BRCA2: variants seen among roughly 807,000 people sequenced by gnomAD.
BRCA2 encodes breast cancer type 2 susceptibility protein.
BRCA2 carries 203 observed loss-of-function variants against 276.7 expected under a neutral mutation model. That is an observed-to-expected ratio of 0.73 (90% confidence interval 0.65 to 0.82). BRCA2 has a LOEUF of 0.82. BRCA2 is among the 40% of genes least tolerant of loss of function. The pLI is 0.00. For synonymous variants in BRCA2, 1,289 were observed against 1,338.4 expected (o/e 0.96, Z 0.81); for missense variants, 3,920 against 3,915.0 (o/e 1.00, Z -0.03).
Position 32,337,782 on chromosome 13 carries a change from G to A in BRCA2, c.3427G>A (p.Glu1143Lys), listed in dbSNP as rs1316176181. 1 of 1,613,872 alleles carries A rather than the reference G, an allele frequency of 6.2e-7. No homozygotes were observed. The highest frequency in any genetic ancestry group is 8.5e-7 in the Non-Finnish European group (1 of 1,179,948). The change falls in exon 11 of 27, where the codon GAA becomes AAA. Residue 1143 changes from glutamate to lysine, a missense_variant. Physicochemically the swap from Glu to Lys is moderately conservative, Grantham distance 56. Around this residue, in one of 2 missense-constraint regions of BRCA2, gnomAD observed 3,263 missense variants for 3,156.9 expected, o/e 1.03. Transcript: ENST00000380152. The part of the protein sequence containing the change: ...PSYILQKSTF[E>K]VPENQMTILK... Reference sequence around the variant, plus strand: ...CTACATATTGCAGAAGAGTACATTTGAAGTGCCTGAAAACCAGATGACTAT... The same window carrying A: ...CTACATATTGCAGAAGAGTACATTTAAAGTGCCTGAAAACCAGATGACTAT...
Position 32,363,440 on chromosome 13 carries a change from A to C in BRCA2, c.8238A>C (p.Thr2746=), listed in dbSNP as rs863224313. 2.5e-6 allele frequency: 4 copies of C among 1,614,084 alleles called. No homozygotes were observed. The highest frequency in any genetic ancestry group is 2.5e-6 in the Non-Finnish European group (3 of 1,180,046). ...LLAVLKNGRL[T]VGQKIILHGA... The stretch of plus-strand genomic sequence containing the variant: ...CTGTCTTAAAGAATGGCAGACTGAC[A>C]GTTGGTCAGAAGATTATTCTTCATG... The change falls in exon 18 of 27, where the codon ACA becomes ACC. Residue 2746 remains threonine (T), a synonymous_variant. Coordinates refer to ENST00000380152, the MANE Select transcript of BRCA2 (RefSeq NM_000059.4).
rs747748537 is a variant in BRCA2, at chr13:32,336,708, A to C, written c.2353A>C (p.Ile785Leu). 2 of 1,614,042 alleles carry C rather than the reference A, an allele frequency of 1.2e-6. No individual in the cohort carries two copies. Residue 785 changes from isoleucine (I) to leucine (L), a missense_variant, in exon 11 of 27, where the codon ATT (isoleucine) becomes CTT (leucine). By Grantham distance (5) the Ile-to-Leu change is conservative. This residue lies in a region of BRCA2 where 3,263 missense variants were observed against 3,156.9 expected (regional missense o/e 1.03). Coordinates refer to ENST00000380152, the MANE Select transcript of BRCA2 (RefSeq NM_000059.4). ...GGATGTTCTGTCAAACCTAGTCATG[A>C]TTTCTAGAGGCAAAGAATCATACAA... ...SKDVLSNLVM[I>L]SRGKESYKMS...
Position 32,337,430 on chromosome 13 carries a change from GAA to G in BRCA2, c.3076_3077del (p.Lys1026GlufsTer9), listed in dbSNP as rs1057517566. On this transcript the variant is annotated frameshift_variant, in exon 11 of 27. Transcript: ENST00000380152. LOFTEE classifies it high-confidence loss of function. ...EIKLSEHNIK[K>X]SKMFFKDIEE... ...TCAAGCTCTCTGAACATAACATTAA[GAA>G]GAGCAAAATGTTCTTCAAAGATATT... 1 of 1,613,142 alleles carries G rather than the reference GAA, an allele frequency of 6.2e-7. No homozygotes were observed. Among genetic ancestry groups the G allele is most frequent in the South Asian group, 1.1e-5 (1 of 90,934 alleles).
At chr13:32,358,818 C>T (rs919217458) in intron 16 of BRCA2, among the ~76,000 whole-genome samples, 1 of 151,782 alleles carries the variant, frequency 6.6e-6, no homozygotes, top group African/African-American at 2.4e-5. Flanking sequence ...CCCGTAATCC[C>T]AGCTACTCGG....
chr13:32,377,346 CTT>C (rs2072880518), intron 21 of BRCA2, among the ~76,000 whole-genome samples: 2 of 152,260 alleles, frequency 1.3e-5, no homozygotes, highest in South Asian at 4.2e-4. Flanking sequence ...AATCCCAGCA[CTT>C]TGGGAGACCG....
In BRCA2 at chr13:32,362,692, A is replaced by G. The variant is rs80359026; in HGVS notation, c.7975A>G (p.Arg2659Gly). The G allele has an allele frequency of 6.2e-7, 1 of 1,614,156 alleles. No homozygotes were observed. Among genetic ancestry groups the G allele is most frequent in the Non-Finnish European group, 8.5e-7 (1 of 1,180,000 alleles). Residue 2659 changes from arginine (R) to glycine (G), a missense_variant and splice_region_variant, in exon 17 of 27, where the codon AGA becomes GGA. By Grantham distance (125) the Arg-to-Gly change is moderately radical. Around this residue, in one of 2 missense-constraint regions of BRCA2, gnomAD observed 3,263 missense variants for 3,156.9 expected, o/e 1.03. Coordinates refer to ENST00000380152, the MANE Select transcript of BRCA2 (RefSeq NM_000059.4). The stretch of plus-strand genomic sequence containing the variant: ...AAGGGTGCTTCTTCAACTAAAATAC[A>G]GGCAAGTTTAAAGCATTACATTACG... Reference protein sequence around the residue: ...PERVLLQLKYRYDTEIDRSRR... With the variant: ...PERVLLQLKYGYDTEIDRSRR...
At chr13:32,344,487 G>C (rs1566236772) in intron 11 of BRCA2, 71 bp from the exon 12 acceptor site, 1 of 991,298 alleles carries the variant, frequency 1.0e-6, no homozygotes, top group South Asian at 1.5e-5. Context: ...TAAAAAAATG[G>C]TCTATAGACT....
At position 32,356,706 on chromosome 13, in the gene BRCA2, A is replaced by G. The variant is rs1410948081; in HGVS notation, c.7617+97A>G. On this transcript the variant is annotated intron_variant, in intron 15 of 26. Coordinates refer to ENST00000380152, the MANE Select transcript of BRCA2 (RefSeq NM_000059.4). ...AAATGGCTTTGTTTAAAGAATGAAC[A>G]CATTAGTGCAGGAATGGATGAATGA... 8.1e-6 allele frequency: 11 copies of G among 1,355,352 alleles called. No homozygotes were observed. In the East Asian group the frequency reaches 2.6e-4, roughly 31 times the overall value. 84.0% of individuals were successfully genotyped at this position (1,355,352 alleles called of 1,614,324 possible).
At chr13:32,344,699 G>A (rs1411475069) in intron 12 of BRCA2, 46 bp downstream of exon 12, 3 of 1,337,808 alleles carry the variant, frequency 2.2e-6, no homozygotes, top group African/African-American at 1.4e-5. Context: ...CTATAGGTAT[G>A]GTATATAATA....
intron 18 of BRCA2, among the ~76,000 whole-genome samples, chr13:32,368,438 G>T (rs1278626121): frequency 4.0e-5 from 6 of 150,334 alleles, no homozygotes; most frequent in African/African-American, 1.5e-4. Flanking sequence ...TTCAGTTCTT[G>T]TTTCATAGAT....
In BRCA2 at chr13:32,339,229, A is replaced by C. The variant is rs1300992894; in HGVS notation, c.4874A>C (p.Glu1625Ala). 3.7e-6 allele frequency: 6 copies of C among 1,613,138 alleles called. No homozygotes were observed. The highest frequency in any genetic ancestry group is 2.2e-5 in the South Asian group (2 of 90,934). The change falls in exon 11 of 27, where the codon GAA becomes GCA. Residue 1625 changes from glutamate to alanine, a missense_variant. Transcript: ENST00000380152. ...LLSDNLCRQT[E>A]NLKTSKSIFL... The stretch of plus-strand genomic sequence containing the variant: ...AGTGATAATTTATGTAGACAAACTG[A>C]AAATCTCAAAACATCAAAAAGTATC...
chr13:32,357,693 T>C, intron 15 of BRCA2, 49 bp from the exon 16 acceptor site: 1 of 1,566,540 alleles, frequency 6.4e-7, no homozygotes, highest in Non-Finnish European at 8.7e-7. Flanking sequence ...GTGTGATACA[T>C]GTTTACTTTA....
intron 18 of BRCA2, among the ~76,000 whole-genome samples, chr13:32,366,698 T>C (rs771261082): frequency 2.6e-5 from 4 of 151,984 alleles, no homozygotes; most frequent in African/African-American, 4.8e-5. Flanking sequence ...GGCATGCTCC[T>C]GTAGTCCCAG....
Position 32,325,095 on chromosome 13 carries a change from T to C in BRCA2, c.336T>C (p.Ser112=), listed in dbSNP as rs1299934579. The C allele has an allele frequency of 1.3e-6, 2 of 1,595,068 alleles. No homozygotes were observed. The highest frequency in any genetic ancestry group is 2.2e-5 in the East Asian group (1 of 44,748). Reference sequence around the variant, plus strand: ...TTTCAGGAAGGAATGTTCCCAATAGTAGACATAAAAGTCTTCGCACAGTGA... The same window carrying C: ...TTTCAGGAAGGAATGTTCCCAATAGCAGACATAAAAGTCTTCGCACAGTGA... ...KLDLGRNVPN[S]RHKSLRTVKT... The change falls in exon 4 of 27, where the codon AGT becomes AGC. Residue 112 remains serine (S), a synonymous_variant. Coordinates refer to ENST00000380152, the MANE Select transcript of BRCA2 (RefSeq NM_000059.4).
At chr13:32,390,363 G>A (rs987643450) in intron 24 of BRCA2, among the ~76,000 whole-genome samples, 2 of 152,038 alleles carry the variant, frequency 1.3e-5, no homozygotes, top group Admixed American at 6.6e-5. Flanking sequence ...AGGCTGAGGC[G>A]GCTCGCAAGG....
chr13:32,340,965 C>T lies in BRCA2; in HGVS notation c.6610C>T (p.Pro2204Ser), dbSNP rs2072560609. The change falls in exon 11 of 27, where the codon CCT (proline) becomes TCT (serine). Residue 2204 changes from proline to serine, a missense_variant. By Grantham distance (74) the Pro-to-Ser change is moderately conservative. Coordinates refer to ENST00000380152, the MANE Select transcript of BRCA2 (RefSeq NM_000059.4). Reference protein sequence around the residue: ...IGKTETFSDVPVKTNIEVCST... With the variant: ...IGKTETFSDVSVKTNIEVCST... Reference sequence around the variant, plus strand: ...TAAAACTGAAACTTTTTCTGATGTTCCTGTGAAAACAAATATAGAAGTTTG... The same window carrying T: ...TAAAACTGAAACTTTTTCTGATGTTTCTGTGAAAACAAATATAGAAGTTTG... 6.2e-7 allele frequency: 1 copy of T among 1,608,782 alleles called. No individual in the cohort carries two copies. Among genetic ancestry groups the T allele is most frequent in the East Asian group, 2.2e-5 (1 of 44,794 alleles).
intron 2 of BRCA2, 75 bp from the exon 3 acceptor site, chr13:32,319,002 T>G: frequency 6.4e-7 from 1 of 1,569,014 alleles, no homozygotes; most frequent in Non-Finnish European, 8.6e-7. Context: ...TTTTTCCTTA[T>G]GATCTTTAAC....
chr13:32,347,374 A>T (rs2072619121), intron 13 of BRCA2, among the ~76,000 whole-genome samples: 2 of 152,202 alleles, frequency 1.3e-5, no homozygotes, highest in South Asian at 4.1e-4. Flanking sequence ...GCAAACAGAG[A>T]TGCTTTCCCC....
At chr13:32,362,087 A>G (rs1001359900) in intron 16 of BRCA2, among the ~76,000 whole-genome samples, 8 of 152,170 alleles carry the variant, frequency 5.3e-5, no homozygotes, top group Non-Finnish European at 1.2e-4. Context: ...CAGTGGCACT[A>G]TCATGGCTCA....
Sources: gnomAD v4.1 joint callset for allele counts (sites outside exome capture counted in the v4.1 genomes callset) on GRCh38, gnomAD v4.1.1 for gene constraint, gnomAD v4.1.1 regional missense constraint, MANE v1.5 for transcripts, NCBI Gene and HGNC (gene_info 2026-07-23, HGNC 2026-07-21) for gene names.